ARHGEF37: variants seen among roughly 807,000 people sequenced by gnomAD.
The protein encoded by ARHGEF37 is Rho guanine nucleotide exchange factor 37.
In ARHGEF37, 55 loss-of-function variants were observed where a neutral mutation model predicts 71.1. The observed-to-expected ratio is 0.77, with a 90% CI of 0.62 to 0.97. The LOEUF is 0.97. Ranked by LOEUF, ARHGEF37 falls within the 50% of genes least tolerant of loss-of-function variation. The pLI, the probability that ARHGEF37 is intolerant of heterozygous loss-of-function variation, is 0.00. For missense variants in ARHGEF37, 765 were observed against 836.8 expected (o/e 0.91, Z 1.06); for synonymous variants, 327 against 350.6 (o/e 0.93, Z 0.75).
intron 3 of ARHGEF37, among the ~76,000 whole-genome samples, chr5:149,607,195 A>G (rs1763938128): frequency 6.6e-6 from 1 of 152,148 alleles, no homozygotes; most frequent in Non-Finnish European, 1.5e-5. Flanking sequence ...GAGCCATAGC[A>G]CCCAACCTGT....
chr5:149,592,567 G>A (rs937957852), intron 1 of ARHGEF37, among the ~76,000 whole-genome samples: 62 of 152,208 alleles, frequency 4.1e-4, no homozygotes, highest in African/African-American at 1.4e-3. Context: ...GTTGTTTCCA[G>A]TTTTTGAATA....
At chr5:149,600,433 G>A (rs987393397) in intron 2 of ARHGEF37, among the ~76,000 whole-genome samples, 2 of 152,078 alleles carry the variant, frequency 1.3e-5, no homozygotes, top group Non-Finnish European at 2.9e-5. Flanking sequence ...CTGGTTAATA[G>A]GGGCCAGAGA....
At chr5:149,556,474 G>A (rs1456651739) in intron 1 of ARHGEF37, among the ~76,000 whole-genome samples, 1 of 151,890 alleles carries the variant, frequency 6.6e-6, no homozygotes, top group Admixed American at 6.6e-5. Context: ...TGCAACCTTC[G>A]CCTCCCAGGT....
At chr5:149,623,291 T>C (rs1752593546) in intron 9 of ARHGEF37, among the ~76,000 whole-genome samples, 1 of 152,204 alleles carries the variant, frequency 6.6e-6, no homozygotes, top group Non-Finnish European at 1.5e-5. Flanking sequence ...GCCTGCCTTC[T>C]GCTGCAGGAA....
intron 1 of ARHGEF37, among the ~76,000 whole-genome samples, chr5:149,591,629 CTT>C (rs1181358341): frequency 6.6e-6 from 1 of 152,180 alleles, no homozygotes; most frequent in African/African-American, 2.4e-5. Context: ...CAGTCGCCGA[CTT>C]ATGATGATTC....
Position 149,616,645 on chromosome 5 carries a change from G to T in ARHGEF37, c.537G>T (p.Leu179=), listed in dbSNP as rs747657396. ...GGATCACCAGGTACCCACTGCTGCT[G>T]CAGAAAATCCTGGAGAACACAGTCC... ...LQRITRYPLL[L]QKILENTVPD... Residue 179 remains leucine, a synonymous_variant, in exon 5 of 13, where the codon CTG becomes CTT. Coordinates refer to ENST00000333677, the MANE Select transcript of ARHGEF37 (RefSeq NM_001001669.3). 3.1e-6 allele frequency: 5 copies of T among 1,613,642 alleles called. No individual in the cohort carries two copies. The South Asian group carries it at 5.5e-5, about 18-fold the overall frequency.
chr5:149,624,209 A>G (rs1752618524), intron 10 of ARHGEF37, 69 bp downstream of exon 10: 1 of 1,521,716 alleles, frequency 6.6e-7, no homozygotes, highest in South Asian at 1.3e-5. Context: ...GGCTCCATCC[A>G]TCCCCTCTTT....
upstream of ARHGEF37, among the ~76,000 whole-genome samples, chr5:149,580,194 G>A (rs1038937030): frequency 6.6e-6 from 1 of 152,016 alleles, no homozygotes; most frequent in African/African-American, 2.4e-5. Context: ...CCAAGCAGCT[G>A]GGATTACAGG....
chr5:149,616,450 G>T (rs1752380562), intron 4 of ARHGEF37, 117 bp from the exon 5 acceptor site: 3 of 911,546 alleles, frequency 3.3e-6, no homozygotes, highest in Non-Finnish European at 1.6e-6. Context: ...CGCAGAGAGG[G>T]GGTGACTTGC....
chr5:149,618,770 G>A (rs1752450420), intron 6 of ARHGEF37, among the ~76,000 whole-genome samples, 168 bp from the exon 7 acceptor site: 1 of 152,186 alleles, frequency 6.6e-6, no homozygotes, highest in Admixed American at 6.5e-5. Context: ...TCCATGCTCT[G>A]AATGTAAAAC....
At chr5:149,622,993 T>C (rs1752587381) in intron 9 of ARHGEF37, among the ~76,000 whole-genome samples, 1 of 152,164 alleles carries the variant, frequency 6.6e-6, no homozygotes, top group African/African-American at 2.4e-5. Context: ...AAGATTTGCC[T>C]TCCCCACCCC....
At chr5:149,581,871 C>A (rs951280342) in intron 1 of ARHGEF37, among the ~76,000 whole-genome samples, 1 of 152,158 alleles carries the variant, frequency 6.6e-6, no homozygotes, top group Non-Finnish European at 1.5e-5. Context: ...GGGAGGTTAG[C>A]CGGCCTGGAA....
Position 149,627,059 on chromosome 5 carries a change from T to C in ARHGEF37, c.1465-17T>C. On this transcript the variant is annotated splice_polypyrimidine_tract_variant and intron_variant, in intron 10 of 12. Transcript: ENST00000333677. ...TTATTCAAGCACTTGTGTCTGTCTG[T>C]GCTCCTCCTCTCCCAGCCGCTCCTT... is the stretch of plus-strand genomic sequence containing the variant. 2 of 1,602,814 alleles carry C rather than the reference T, an allele frequency of 1.2e-6. No individual in the cohort carries two copies. The highest frequency in any genetic ancestry group is 1.7e-6 in the Non-Finnish European group (2 of 1,173,604).
intron 3 of ARHGEF37, among the ~76,000 whole-genome samples, chr5:149,601,465 C>T (rs1561796407): frequency 2.0e-5 from 3 of 152,192 alleles, no homozygotes; most frequent in Non-Finnish European, 1.5e-5. Flanking sequence ...AACATGCTTA[C>T]AGTCACGGAA....
intron 1 of ARHGEF37, among the ~76,000 whole-genome samples, chr5:149,575,580 TGAAAA>T (rs1308061688): frequency 1.3e-5 from 2 of 152,138 alleles, no homozygotes; most frequent in African/African-American, 4.8e-5. Flanking sequence ...CTTCCTCTCT[TGAAAA>T]GACACAAAGT....
At chr5:149,585,476 A>G (rs952548914) in intron 1 of ARHGEF37, among the ~76,000 whole-genome samples, 2 of 152,214 alleles carry the variant, frequency 1.3e-5, no homozygotes, top group South Asian at 4.1e-4. Flanking sequence ...TTTTTCTGAA[A>G]GAAAGCCCCA....
In ARHGEF37 at chr5:149,625,761, C is replaced by CCA. The variant is rs140715807; in HGVS notation, c.1465-1298_1465-1297dup. On this transcript the variant is annotated intron_variant, in intron 10 of 12. Coordinates refer to ENST00000333677, the MANE Select transcript of ARHGEF37 (RefSeq NM_001001669.3). ...CACCCCTTCCCACCCTCCCACCTCT[C>CCA]CACACACACACACACACAAACCTCC... is the stretch of plus-strand genomic sequence containing the variant. Among the ~76,000 whole-genome samples, 432 of 149,928 alleles carry CCA rather than the reference C, an allele frequency of 2.9e-3. 3 individuals carry two copies. The highest frequency in any genetic ancestry group is 8.9e-3 in the African/African-American group (365 of 41,084).
chr5:149,607,868 G>A (rs898738330), intron 3 of ARHGEF37, among the ~76,000 whole-genome samples: 7 of 144,222 alleles, frequency 4.9e-5, no homozygotes, highest in Middle Eastern at 3.7e-3. Flanking sequence ...CTGGGTTCAC[G>A]CCATTCTCCT....
intron 12 of ARHGEF37, among the ~76,000 whole-genome samples, chr5:149,630,358 A>G (rs1300989908): frequency 6.6e-6 from 1 of 152,092 alleles, no homozygotes; most frequent in Non-Finnish European, 1.5e-5. Flanking sequence ...AGCCCTCACA[A>G]TGATCAGCAG....
Sources: gnomAD v4.1 joint callset for allele counts (sites outside exome capture counted in the v4.1 genomes callset) on GRCh38, gnomAD v4.1.1 for gene constraint, MANE v1.5 for transcripts, NCBI Gene and HGNC (gene_info 2026-07-23, HGNC 2026-07-21) for gene names.